The following MTRF1 variants were observed in gnomAD, a reference collection of about 807,000 sequenced individuals.
MTRF1 encodes peptide chain release factor 1, mitochondrial.
Under a neutral mutation model 62.9 loss-of-function variants are expected in MTRF1, and 51 were observed. The observed-to-expected ratio is 0.81, with a 90% CI of 0.65 to 1.02. The LOEUF (loss-of-function observed/expected upper bound fraction) is 1.02. Ranked by LOEUF, MTRF1 falls within the 50% of genes least tolerant of loss-of-function variation. The pLI is 0.00. For synonymous variants in MTRF1, 158 were observed against 181.9 expected (o/e 0.87, Z 1.06); for missense variants, 446 against 530.0 (o/e 0.84, Z 1.56).
the MTRF1 span, among the ~76,000 whole-genome samples, chr13:41,310,583 T>C: frequency 6.6e-6 from 1 of 152,136 alleles, no homozygotes; most frequent in Non-Finnish European, 1.5e-5. Context: ...GGCAGGAGAA[T>C]CCTTTGAACT....
At chr13:41,256,826 T>C (rs185531146) in intron 2 of MTRF1, among the ~76,000 whole-genome samples, 1 of 152,372 alleles carries the variant, frequency 6.6e-6, no homozygotes, top group East Asian at 1.9e-4. Context: ...AATTTTATTA[T>C]ATCAACAAAG....
At chr13:41,247,306 G>A (rs1672311605) in intron 5 of MTRF1, among the ~76,000 whole-genome samples, 1 of 152,168 alleles carries the variant, frequency 6.6e-6, no homozygotes, top group South Asian at 2.1e-4. Flanking sequence ...CCCTAACGGA[G>A]GACAATGAAG....
In MTRF1 at chr13:41,252,684, AGT is replaced by A. The variant is rs761283157; in HGVS notation, c.656_657del (p.His219LeufsTer4). The A allele has an allele frequency of 1.4e-5, 22 of 1,613,614 alleles. No homozygotes were observed. The highest frequency in any genetic ancestry group is 1.8e-5 in the Non-Finnish European group (21 of 1,179,800). On this transcript the variant is annotated frameshift_variant, in exon 5 of 10. Coordinates refer to ENST00000379480, the MANE Select transcript of MTRF1 (RefSeq NM_004294.4). LOFTEE classifies it high-confidence loss of function. ...DMYQNYSCYK[H>X]WQFELLNYTP... ...GTATAATTCAGAAGTTCAAATTGCC[AGT>A]GTTTATAGCACGAATAATTCTGGTA...
the MTRF1 span, chr13:41,287,867 A>C: frequency 3.0e-6 from 1 of 335,912 alleles, no homozygotes; most frequent in East Asian, 7.6e-5. Flanking sequence ...GGTATTTTAA[A>C]GCGCCAATCT....
At chr13:41,260,262 T>C (rs1162258509) in intron 2 of MTRF1, among the ~76,000 whole-genome samples, 1 of 152,032 alleles carries the variant, frequency 6.6e-6, no homozygotes, top group Admixed American at 6.6e-5. Context: ...CTACTCAGGA[T>C]GCTGAAGTGG....
intron 5 of MTRF1, among the ~76,000 whole-genome samples, chr13:41,247,579 C>T (rs1030150082): frequency 2.6e-5 from 4 of 152,114 alleles, no homozygotes; most frequent in Non-Finnish European, 5.9e-5. Flanking sequence ...GGGGATGTGG[C>T]GGGAATCACC....
Position 41,260,788 on chromosome 13 carries a change from T to C in MTRF1, c.120A>G (p.Gln40=), listed in dbSNP as rs753463057. The change falls in exon 2 of 10, where the codon CAA becomes CAG. Residue 40 remains glutamine (Q), a synonymous_variant. Coordinates refer to ENST00000379480, the MANE Select transcript of MTRF1 (RefSeq NM_004294.4). The part of the protein sequence containing the change: ...FRQIHLDTRL[Q]VFRQNRNCIL... The stretch of plus-strand genomic sequence containing the variant: ...TGCAATTCCTGTTTTGTCTAAAAAC[T>C]TGCAGCCTTGTATCAAGATGTATCT... 32 of 1,614,076 alleles carry C rather than the reference T, an allele frequency of 2.0e-5. No homozygotes were observed. Among genetic ancestry groups the C allele is most frequent in the Non-Finnish European group, 2.6e-5 (31 of 1,180,036 alleles).
upstream of MTRF1, among the ~76,000 whole-genome samples, chr13:41,264,799 A>G (rs1436341324): frequency 6.6e-6 from 1 of 152,236 alleles, no homozygotes; most frequent in East Asian, 1.9e-4. Context: ...AGACTCAATT[A>G]AGGCAATGGC....
intron 5 of MTRF1, among the ~76,000 whole-genome samples, chr13:41,248,402 G>A (rs898547422): frequency 4.6e-5 from 7 of 152,208 alleles, no homozygotes; most frequent in South Asian, 2.1e-4. Context: ...GATTACAGGC[G>A]TAAGCCACTA....
chr13:41,270,899 G>A, the MTRF1 span, among the ~76,000 whole-genome samples: 94,414 of 151,662 alleles, frequency 0.62, 29,730 homozygotes, highest in Admixed American at 0.65. Context: ...CACCATGCCC[G>A]GCTAATTTTT....
chr13:41,256,515 C>T lies in MTRF1; in HGVS notation c.416-1895G>A, dbSNP rs892848424. 6.6e-5 allele frequency among the ~76,000 whole-genome samples: 10 copies of T among 151,894 alleles called. No homozygotes were observed. In the South Asian group the frequency reaches 1.0e-3, roughly 16 times the overall value. ...CTAATTTTTGTATTTTTAGTAGAGACGGGGTTTCACCATGTTGGCAGGCTG... is the reference window on the plus strand; with the variant it reads ...CTAATTTTTGTATTTTTAGTAGAGATGGGGTTTCACCATGTTGGCAGGCTG... On this transcript the variant is annotated intron_variant, in intron 2 of 9. Transcript: ENST00000379480.
At chr13:41,292,496 G>A in the MTRF1 span, among the ~76,000 whole-genome samples, 1 of 149,850 alleles carries the variant, frequency 6.7e-6, no homozygotes, top group African/African-American at 2.5e-5. Flanking sequence ...CAGGAGAATG[G>A]CATGAACCTG....
At chr13:41,308,845 T>C in the MTRF1 span, among the ~76,000 whole-genome samples, 3 of 152,188 alleles carry the variant, frequency 2.0e-5, no homozygotes, top group East Asian at 3.8e-4. Flanking sequence ...TAATACCCTA[T>C]AGGTAGTTTT....
chr13:41,228,391 G>C (rs1187311634), intron 7 of MTRF1, among the ~76,000 whole-genome samples: 1 of 151,962 alleles, frequency 6.6e-6, no homozygotes, highest in Non-Finnish European at 1.5e-5. Flanking sequence ...AACACAGCAA[G>C]ATTTCGTCTC....
At chr13:41,311,675 C>T in the MTRF1 span, 4 of 1,182,014 alleles carry the variant, frequency 3.4e-6, no homozygotes, top group Non-Finnish European at 3.6e-6. Context: ...GCGGGCCAGG[C>T]TTGGCCTCCG....
At chr13:41,304,642 A>G in the MTRF1 span, among the ~76,000 whole-genome samples, 2 of 152,214 alleles carry the variant, frequency 1.3e-5, no homozygotes, top group Non-Finnish European at 2.9e-5. Context: ...GTTTTTATAT[A>G]GAAAGTACCT....
the MTRF1 span, among the ~76,000 whole-genome samples, chr13:41,279,347 T>C: frequency 6.6e-6 from 1 of 152,256 alleles, no homozygotes; most frequent in Non-Finnish European, 1.5e-5. Flanking sequence ...GCCTGCTACC[T>C]GGAGGCATCA....
chr13:41,232,358 AAC>A, intron 7 of MTRF1, among the ~76,000 whole-genome samples: 1 of 152,144 alleles, frequency 6.6e-6, no homozygotes, highest in Non-Finnish European at 1.5e-5. Flanking sequence ...ATGAGGAAAA[AAC>A]AAATTCAAGA....
intron 5 of MTRF1, among the ~76,000 whole-genome samples, chr13:41,244,812 C>T (rs1251545212): frequency 2.0e-5 from 3 of 152,158 alleles, no homozygotes; most frequent in Non-Finnish European, 4.4e-5. Context: ...CAACCCCACC[C>T]AACAGCTTAA....
Sources: gnomAD v4.1 joint callset for allele counts (sites outside exome capture counted in the v4.1 genomes callset) on GRCh38, gnomAD v4.1.1 for gene constraint, MANE v1.5 for transcripts, NCBI Gene and HGNC (gene_info 2026-07-23, HGNC 2026-07-21) for gene names.